Variants in SASH1 observed in about 807,000 individuals in gnomAD.
The protein encoded by SASH1 is SAM and SH3 domain-containing protein 1.
SASH1 carries 44 observed loss-of-function variants against 125.2 expected under a neutral mutation model. That is an observed-to-expected ratio of 0.35 (90% CI 0.28 to 0.45). SASH1 has a LOEUF of 0.45. Among genes scored for constraint, SASH1 ranks in the 20% least tolerant of loss-of-function variants. The pLI is 1.00. For missense variants in SASH1, 1,426 were observed against 1,614.5 expected (o/e 0.88, Z 2.00); for synonymous variants, 639 against 649.1 (o/e 0.98, Z 0.24).
the SASH1 span, among the ~76,000 whole-genome samples, chr6:148,194,780 C>T: frequency 5.3e-5 from 8 of 152,306 alleles, no homozygotes; most frequent in South Asian, 6.2e-4. Context: ...GGGGCGGGCT[C>T]CTGTAGTCCC....
chr6:148,371,798 A>T (rs1583039956), intron 1 of SASH1, among the ~76,000 whole-genome samples: 1 of 152,090 alleles, frequency 6.6e-6, no homozygotes, highest in African/African-American at 2.4e-5. Flanking sequence ...ATGGTGAAGT[A>T]CCTGCCAGTT....
chr6:148,373,856 G>A (rs569782296), intron 1 of SASH1, among the ~76,000 whole-genome samples: 3 of 152,112 alleles, frequency 2.0e-5, no homozygotes, highest in Non-Finnish European at 2.9e-5. Context: ...ACCTGTAATC[G>A]CAGCTGCCTG....
At chr6:148,349,836 G>A (rs999754823) in intron 1 of SASH1, among the ~76,000 whole-genome samples, 4 of 149,804 alleles carry the variant, frequency 2.7e-5, no homozygotes, top group African/African-American at 7.5e-5. Context: ...TATGCCTTGT[G>A]ATTTTCTTTT....
the SASH1 span, among the ~76,000 whole-genome samples, chr6:148,197,386 G>T: frequency 6.6e-6 from 1 of 152,180 alleles, no homozygotes; most frequent in Non-Finnish European, 1.5e-5. Flanking sequence ...TTTTGCTCAG[G>T]ATAAGAGAGA....
At chr6:148,211,633 G>A in the SASH1 span, among the ~76,000 whole-genome samples, 6 of 151,494 alleles carry the variant, frequency 4.0e-5, no homozygotes, top group Non-Finnish European at 5.9e-5. Flanking sequence ...CATTTATATA[G>A]GTTAGTCCCT....
At chr6:148,465,302 A>G (rs1777781557) in intron 4 of SASH1, among the ~76,000 whole-genome samples, 1 of 152,166 alleles carries the variant, frequency 6.6e-6, no homozygotes, top group Non-Finnish European at 1.5e-5. Flanking sequence ...CTGCAATCCC[A>G]GCACTTTGGG....
At chr6:148,322,518 C>T (rs1424169601) in intron 1 of SASH1, among the ~76,000 whole-genome samples, 1 of 152,222 alleles carries the variant, frequency 6.6e-6, no homozygotes, top group African/African-American at 2.4e-5. Context: ...AGTCATCCTT[C>T]AGTCCGTTGC....
rs2115245916 is a variant in SASH1, at chr6:148,495,656, T to TA, written c.729+7948dup. On this transcript the variant is annotated intron_variant, in intron 8 of 19. Coordinates refer to ENST00000367467, the MANE Select transcript of SASH1 (RefSeq NM_015278.5). This position sits in a 1 kb window ranked among gnomAD's most constrained non-coding sequence, Gnocchi z 4.0. ...CCACCTATAAATATTCCCAGCAATC[T>TA]AAAAAAATGTGTACAATTTTTATAG... 1.3e-5 allele frequency among the ~76,000 whole-genome samples: 2 copies of TA among 152,278 alleles called. No individual in the cohort carries two copies. The highest frequency in any genetic ancestry group is 6.5e-5 in the Admixed American group (1 of 15,280).
chr6:148,519,801 T>G lies in SASH1; in HGVS notation c.1117T>G (p.Phe373Val). 6.2e-7 allele frequency: 1 copy of G among 1,613,942 alleles called. No individual in the cohort carries two copies. Among genetic ancestry groups the G allele is most frequent in the Non-Finnish European group, 8.5e-7 (1 of 1,179,972 alleles). ...GCCCCCCAAGAAGATGGGGACATTCTTCTCCTACCCAGAAGAAGAAAAGGC... is the reference window on the plus strand; with the variant it reads ...GCCCCCCAAGAAGATGGGGACATTCGTCTCCTACCCAGAAGAAGAAAAGGC... ...IKPPKKMGTF[F>V]SYPEEEKAQK... is the part of the protein sequence containing the mutation. The change falls in exon 10 of 20, where the codon TTC becomes GTC. Residue 373 changes from phenylalanine (F) to valine (V), a missense_variant. This residue lies in a region of SASH1 where 567 missense variants were observed against 575.6 expected (regional missense o/e 0.99). Transcript: ENST00000367467. The surrounding 1 kb of genome is among the most constrained non-coding windows in gnomAD (Gnocchi z 4.8).
At chr6:148,338,770 C>T (rs1242954553), upstream of SASH1, among the ~76,000 whole-genome samples, 7 of 151,088 alleles carry the variant, frequency 4.6e-5, no homozygotes, top group Admixed American at 2.6e-4. Flanking sequence ...TTTGGGAGGC[C>T]GAGGCAGGTG....
chr6:148,397,010 A>G (rs529444681), intron 2 of SASH1, among the ~76,000 whole-genome samples: 2 of 152,250 alleles, frequency 1.3e-5, no homozygotes, highest in Non-Finnish European at 2.9e-5. Context: ...ATTAATATTT[A>G]TTCAAGTGAG....
Position 148,527,502 on chromosome 6 carries a change from CCT to C in SASH1, c.1338_1339del (p.Arg447HisfsTer20). 1 of 1,609,942 alleles carries C rather than the reference CCT, an allele frequency of 6.2e-7. No homozygotes were observed. Among genetic ancestry groups the C allele is most frequent in the Non-Finnish European group, 8.5e-7 (1 of 1,178,678 alleles). ...AAAGAAGTCATCAAATCACCTACTG[CCT>C]CTCGCATCTCTCTTGGGAAAAAGGT... On this transcript the variant is annotated frameshift_variant, in exon 12 of 20. Transcript: ENST00000367467. LOFTEE classifies it high-confidence loss of function.
At chr6:148,194,284 C>T in the SASH1 span, among the ~76,000 whole-genome samples, 1 of 152,160 alleles carries the variant, frequency 6.6e-6, no homozygotes, top group Admixed American at 6.5e-5. Flanking sequence ...ATCCAAACAA[C>T]CCATAGTCTG....
At chr6:148,289,152 A>G (rs1195185091) in intron 1 of SASH1, among the ~76,000 whole-genome samples, 2 of 152,146 alleles carry the variant, frequency 1.3e-5, no homozygotes, top group Admixed American at 6.5e-5. Context: ...AAACGAAACA[A>G]AACAAAGCAC....
At chr6:148,449,079 T>TTTTTCTTTTTC (rs1554258785) in intron 4 of SASH1, among the ~76,000 whole-genome samples, 2 of 61,426 alleles carry the variant, frequency 3.3e-5, no homozygotes, top group African/African-American at 1.0e-4. Flanking sequence ...ATTTCATTTC[T>TTTTTCTTTTTC]TTTTTTTTTT....
intron 4 of SASH1, among the ~76,000 whole-genome samples, chr6:148,445,556 C>G (rs76210607): frequency 0.018 from 2,756 of 152,296 alleles, 40 homozygotes; most frequent in Middle Eastern, 0.037. Context: ...CATCTGAGTT[C>G]CATGAATGGG....
At chr6:148,471,578 G>A (rs1778121223) in intron 6 of SASH1, 75 bp downstream of exon 6, 1 of 879,528 alleles carries the variant, frequency 1.1e-6, no homozygotes, top group Non-Finnish European at 1.9e-6. Context: ...GCTAATCTCA[G>A]TGGATGCTAT....
At chr6:148,491,156 G>T (rs1181848221) in intron 8 of SASH1, among the ~76,000 whole-genome samples, 1 of 152,158 alleles carries the variant, frequency 6.6e-6, no homozygotes, top group Admixed American at 6.5e-5. Flanking sequence ...ACATATTTCA[G>T]CCTCCTTGGA....
intron 1 of SASH1, among the ~76,000 whole-genome samples, chr6:148,335,978 G>A (rs1781142138): frequency 2.0e-5 from 3 of 151,968 alleles, no homozygotes; most frequent in Admixed American, 2.0e-4. Flanking sequence ...AAAAGAGAAA[G>A]GTTATAATGA....
Sources: allele counts gnomAD v4.1 joint callset (sites outside exome capture counted in the v4.1 genomes callset), GRCh38; gene constraint gnomAD v4.1.1; regional missense constraint gnomAD v4.1.1; non-coding constraint Gnocchi (gnomAD v3.1); transcripts MANE v1.5; gene names NCBI Gene and HGNC (gene_info 2026-07-23, HGNC 2026-07-21).